Variants in NR3C2 observed in about 807,000 individuals in gnomAD.
The protein encoded by NR3C2 is mineralocorticoid receptor.
A neutral mutation model predicts 86.4 loss-of-function variants in NR3C2; 15 were observed. That is an observed-to-expected ratio of 0.17 (90% confidence interval 0.12 to 0.27). The LOEUF is 0.27. NR3C2 is among the 10% of genes least tolerant of loss of function. The probability of loss-of-function intolerance (pLI) is 1.00; values close to 1 mark genes in which losing one functional copy is unlikely to be tolerated. For missense variants in NR3C2, 960 were observed against 1,195.6 expected, an observed-to-expected ratio of 0.80 and a Z score of 2.91; for synonymous variants, 458 against 450.5, an observed-to-expected ratio of 1.02 and a Z score of -0.21.
At chr4:148,241,639 G>A (rs916717647) in intron 3 of NR3C2, among the ~76,000 whole-genome samples, 17 of 151,946 alleles carry the variant, frequency 1.1e-4, no homozygotes, top group Admixed American at 2.6e-4. Context: ...CTGCGCCATC[G>A]GATCATCTTT....
chr4:148,086,896 A>G (rs149800648), intron 8 of NR3C2, among the ~76,000 whole-genome samples: 6 of 152,332 alleles, frequency 3.9e-5, no homozygotes, highest in African/African-American at 1.4e-4. Context: ...TCTCACTTCT[A>G]TTCAACATAG....
chr4:148,309,673 A>G (rs939177597), intron 2 of NR3C2, among the ~76,000 whole-genome samples: 13 of 152,238 alleles, frequency 8.5e-5, no homozygotes, highest in African/African-American at 2.9e-4. Flanking sequence ...ACACATGCAC[A>G]TGGTTAAAAG....
At chr4:148,271,501 G>C (rs1244628088) in intron 2 of NR3C2, among the ~76,000 whole-genome samples, 1 of 152,040 alleles carries the variant, frequency 6.6e-6, no homozygotes, top group Non-Finnish European at 1.5e-5. Context: ...CACTGAACTA[G>C]TGCTGCTCCA....
At chr4:148,272,110 C>G (rs1430262542) in intron 2 of NR3C2, among the ~76,000 whole-genome samples, 3 of 152,074 alleles carry the variant, frequency 2.0e-5, no homozygotes, top group Non-Finnish European at 4.4e-5. Context: ...ATCAACTAAC[C>G]AAACACACAA....
At chr4:148,264,189 C>T (rs1740263333) in intron 2 of NR3C2, among the ~76,000 whole-genome samples, 1 of 152,144 alleles carries the variant, frequency 6.6e-6, no homozygotes, top group Non-Finnish European at 1.5e-5. Flanking sequence ...AGCTGTCTTG[C>T]AAACATATGC....
intron 2 of NR3C2, among the ~76,000 whole-genome samples, chr4:148,327,588 A>G (rs74985308): frequency 0.064 from 9,712 of 152,268 alleles, 428 homozygotes; most frequent in African/African-American, 0.13. Context: ...GTCCCTCTGC[A>G]ATGACCTCCT....
intron 2 of NR3C2, among the ~76,000 whole-genome samples, chr4:148,265,792 T>C (rs912388898): frequency 6.6e-6 from 1 of 152,136 alleles, no homozygotes; most frequent in Admixed American, 6.5e-5. Context: ...CATCCTCACA[T>C]ACTGATCTGA....
chr4:148,421,707 C>G (rs1355589419), intron 2 of NR3C2, among the ~76,000 whole-genome samples: 1 of 152,102 alleles, frequency 6.6e-6, no homozygotes, highest in Non-Finnish European at 1.5e-5. Flanking sequence ...TCTCAGAATA[C>G]TAGATGTATT....
intron 2 of NR3C2, chr4:148,368,314 G>A (rs1746252328): frequency 6.6e-6 from 1 of 151,910 alleles, no homozygotes; most frequent in Non-Finnish European, 1.5e-5. Context: ...CCCTTAGTGT[G>A]GGAAGGGGAT....
intron 2 of NR3C2, among the ~76,000 whole-genome samples, chr4:148,385,944 T>C (rs962676352): frequency 1.3e-5 from 2 of 152,148 alleles, no homozygotes; most frequent in African/African-American, 4.8e-5. Context: ...GATGGAGCAA[T>C]TGTCATCAGT....
At chr4:148,261,325 G>A (rs1740102004) in intron 2 of NR3C2, among the ~76,000 whole-genome samples, 1 of 151,502 alleles carries the variant, frequency 6.6e-6, no homozygotes, top group African/African-American at 2.4e-5. Flanking sequence ...AAGCGCTATG[G>A]TGCGCTATGG....
In NR3C2 at chr4:148,196,540, A is replaced by G. The variant is rs950768398; in HGVS notation, c.1898-1678T>C. Among the ~76,000 whole-genome samples the G allele has an allele frequency of 2.6e-5, 4 of 152,360 alleles. No homozygotes were observed. In the East Asian group the frequency reaches 7.7e-4, roughly 29 times the overall value. ...CACTGTTTACTGCAAAGTAGTGAAC[A>G]GGCTCCAAACCACTCCCTTCAGTGT... On this transcript the variant is annotated intron_variant, in intron 3 of 8. Coordinates refer to ENST00000358102, the MANE Select transcript of NR3C2 (RefSeq NM_000901.5).
Position 148,165,471 on chromosome 4 carries a change from T to A in NR3C2, c.2015-10570A>T, listed in dbSNP as rs61757919. On this transcript the variant is annotated intron_variant, in intron 4 of 8. Coordinates refer to ENST00000358102, the MANE Select transcript of NR3C2 (RefSeq NM_000901.5). The stretch of plus-strand genomic sequence containing the variant: ...TTTCTTCAAAATATTTCTTCCCTCT[T>A]AGTTCAACAGTCTTTCTGTGAAATA... Among the ~76,000 whole-genome samples, 4 of 152,174 alleles carry A rather than the reference T, an allele frequency of 2.6e-5. No homozygotes were observed. In the East Asian group the frequency reaches 7.7e-4, roughly 29 times the overall value.
chr4:148,321,618 T>C (rs1236460695), intron 2 of NR3C2, among the ~76,000 whole-genome samples: 1 of 152,190 alleles, frequency 6.6e-6, no homozygotes, highest in Non-Finnish European at 1.5e-5. Context: ...AATTGATCCT[T>C]TTACCATTAT....
At chr4:148,246,742 A>G (rs1579062849) in intron 3 of NR3C2, among the ~76,000 whole-genome samples, 1 of 152,162 alleles carries the variant, frequency 6.6e-6, no homozygotes, top group East Asian at 1.9e-4. Context: ...TAGTAGAGAC[A>G]GGGTTTCACC....
At chr4:148,212,141 G>A (rs540577062) in intron 3 of NR3C2, among the ~76,000 whole-genome samples, 6 of 152,264 alleles carry the variant, frequency 3.9e-5, no homozygotes, top group South Asian at 2.1e-4. Flanking sequence ...GTTGGGCCCC[G>A]CAGCACTGCA....
intron 2 of NR3C2, among the ~76,000 whole-genome samples, chr4:148,400,339 G>A (rs1386242493): frequency 1.3e-5 from 2 of 152,192 alleles, no homozygotes; most frequent in Admixed American, 6.5e-5. Context: ...TGTGGCTTGG[G>A]AAGTAGACAT....
chr4:148,122,395 C>T (rs1235635310), intron 6 of NR3C2, among the ~76,000 whole-genome samples: 1 of 152,098 alleles, frequency 6.6e-6, no homozygotes, highest in Non-Finnish European at 1.5e-5. Context: ...TTCTTTTGAT[C>T]CCTTTGTTTC....
At chr4:148,198,554 A>C (rs1736548302) in intron 3 of NR3C2, among the ~76,000 whole-genome samples, 1 of 152,204 alleles carries the variant, frequency 6.6e-6, no homozygotes, top group African/African-American at 2.4e-5. Context: ...AGGAGCTATC[A>C]GAGCCTCAGC....
Sources: gnomAD v4.1 joint callset for allele counts (sites outside exome capture counted in the v4.1 genomes callset) on GRCh38, gnomAD v4.1.1 for gene constraint, MANE v1.5 for transcripts, NCBI Gene and HGNC (gene_info 2026-07-23, HGNC 2026-07-21) for gene names.